The following ZIK1 variants were observed in gnomAD, a reference collection of about 807,000 sequenced individuals.
The protein encoded by ZIK1 is zinc finger protein interacting with K protein 1.
In ZIK1, 12 loss-of-function variants were observed where a neutral mutation model predicts 10.7. That is an observed-to-expected ratio of 1.12 (90% CI 0.72 to 1.81). The LOEUF (loss-of-function observed/expected upper bound fraction) is 1.81, where lower values mean the gene tolerates loss of function less well. Ranked by LOEUF, ZIK1 falls within the 40% of genes most tolerant of loss-of-function variation. The pLI is 0.00. For missense variants in ZIK1, 497 were observed against 585.7 expected (o/e 0.85, Z 1.56); for synonymous variants, 190 against 205.0 (o/e 0.93, Z 0.63).
At chr19:57,589,799 A>T (rs1979490790) in intron 3 of ZIK1, 1 of 761,348 alleles carries the variant, frequency 1.3e-6, no homozygotes, top group Admixed American at 6.3e-5. Flanking sequence ...CCTGTCCTTC[A>T]TCCCATCCTT....
In ZIK1 at chr19:57,592,309, G is replaced by A. The variant is rs1979771804; in HGVS notation, c.*1034G>A. ...AGAAATACCTGGGTATTTCTGTACT[G>A]TGTGTACTGTAGCAAACTAGTTGGA... is the stretch of plus-strand genomic sequence containing the variant. On this transcript the variant is annotated 3_prime_UTR_variant, in exon 4 of 4. Transcript: ENST00000597850. 1 of 152,114 alleles carries A rather than the reference G, an allele frequency of 6.6e-6. No homozygotes were observed. Among genetic ancestry groups the A allele is most frequent in the Non-Finnish European group, 1.5e-5 (1 of 68,014 alleles). 9.4% of individuals were successfully genotyped at this position (152,114 alleles called of 1,614,324 possible).
rs1162706417 is a variant in ZIK1 at position 57,590,869 on chromosome 19, G to A, written c.1058G>A (p.Cys353Tyr). The change falls in exon 4 of 4, where the codon TGT becomes TAT. Residue 353 changes from cysteine (C) to tyrosine (Y), a missense_variant. Coordinates refer to ENST00000597850, the MANE Select transcript of ZIK1 (RefSeq NM_001010879.4). The stretch of plus-strand genomic sequence containing the variant: ...CACACTGGAGAAAGGCCTTATAAGT[G>A]TGGTGAATGTGGGAATTCCTTTAGT... ...RVHTGERPYK[C>Y]GECGNSFSQS... The A allele has an allele frequency of 1.2e-6, 2 of 1,613,128 alleles. No individual in the cohort carries two copies. The highest frequency in any genetic ancestry group is 1.1e-5 in the South Asian group (1 of 91,070).
chr19:57,584,368 C>A lies in ZIK1; in HGVS notation c.12C>A (p.Ala4=), dbSNP rs745651852. 8 of 1,604,574 alleles carry A rather than the reference C, an allele frequency of 5.0e-6. No individual in the cohort carries two copies. The East Asian group carries it at 1.6e-4, about 32-fold the overall frequency. Residue 4 remains alanine, a synonymous_variant, in exon 1 of 4, where the codon GCC becomes GCA. Coordinates refer to ENST00000597850, the MANE Select transcript of ZIK1 (RefSeq NM_001010879.4). MAA[A]ALRAPTQVTV... is the part of the protein sequence containing the mutation. ...GCCCACAGACTCCGATGGCTGCGGC[C>A]GCGCTGAGGGCCCCGACTCAGGTGA...
rs778880794 is a variant in ZIK1, at chr19:57,585,040, G to T, written c.72+50G>T. 52 of 1,568,472 alleles carry T rather than the reference G, an allele frequency of 3.3e-5. 2 individuals are homozygous for T. The South Asian group carries it at 5.8e-4, about 17-fold the overall frequency. ...TCACTGGTCCTGGCCCCATCCTGGG[G>T]TTTTTTCATGGATCTTTTTGCCACC... On this transcript the variant is annotated intron_variant, in intron 2 of 3. Coordinates refer to ENST00000597850, the MANE Select transcript of ZIK1 (RefSeq NM_001010879.4).
Position 57,591,297 on chromosome 19 carries a change from T to C in ZIK1, c.*22T>C. Reference sequence around the variant, plus strand: ...ATAGAGGCCTCATGAATGCAGCAAATGTGGAAGCGCCTTCAACTCAAGATC... The same window carrying C: ...ATAGAGGCCTCATGAATGCAGCAAACGTGGAAGCGCCTTCAACTCAAGATC... On this transcript the variant is annotated 3_prime_UTR_variant, in exon 4 of 4. Coordinates refer to ENST00000597850, the MANE Select transcript of ZIK1 (RefSeq NM_001010879.4). 6.3e-7 allele frequency: 1 copy of C among 1,575,972 alleles called. No individual in the cohort carries two copies. Among genetic ancestry groups the C allele is most frequent in the East Asian group, 2.2e-5 (1 of 44,470 alleles).
chr19:57,593,178 A>T lies in ZIK1; in HGVS notation c.*1903A>T, dbSNP rs2123441922. 1 of 134,368 alleles carries T rather than the reference A, an allele frequency of 7.4e-6. No homozygotes were observed. The highest frequency in any genetic ancestry group is 2.9e-5 in the African/African-American group (1 of 34,818). The allele number at this position is 134,368 out of a possible 1,614,324, so 8.3% of individuals were successfully genotyped here. On this transcript the variant is annotated 3_prime_UTR_variant, in exon 4 of 4. Transcript: ENST00000597850. ...TGCCTCAGCCTCCTGAGAAGCTAGG[A>T]CTACAGGCATGCACTACCACGCCCA...
rs1979723154 is a variant in ZIK1, at chr19:57,591,845, G to A, written c.*570G>A. ...ATTTGAATCTACCTGTAGTCTTGGG[G>A]TTCTGTTTACTGTGTGGGGTGGCTG... On this transcript the variant is annotated 3_prime_UTR_variant, in exon 4 of 4. Coordinates refer to ENST00000597850, the MANE Select transcript of ZIK1 (RefSeq NM_001010879.4). The A allele has an allele frequency of 6.5e-6, 1 of 153,168 alleles. No homozygotes were observed. The allele number at this position is 153,168 out of a possible 1,614,324, so 9.5% of individuals were successfully genotyped here. A position where few individuals can be genotyped will look rare whatever the true frequency, so the allele number is the denominator to read the frequency against.
At position 57,590,052 on chromosome 19, in the gene ZIK1, CA is replaced by C; in HGVS notation, c.242del (p.Gln81ArgfsTer5). Reference sequence around the variant, plus strand: ...AGAGGATGAAGAGACACCTTCTGACCAGAATGTTTCTGTAGGAGTGTCACAG... The same window carrying C: ...AGAGGATGAAGAGACACCTTCTGACCGAATGTTTCTGTAGGAGTGTCACAG... ...GTEDEETPSDQNVSVGVSQSK... is the reference protein window; with the variant it reads ...GTEDEETPSDXNVSVGVSQSK... On this transcript the variant is annotated frameshift_variant, in exon 4 of 4. Transcript: ENST00000597850. LOFTEE classifies it low-confidence loss of function (END_TRUNC). The C allele has an allele frequency of 6.2e-7, 1 of 1,614,116 alleles. No individual in the cohort carries two copies. Among genetic ancestry groups the C allele is most frequent in the South Asian group, 1.1e-5 (1 of 91,078 alleles).
At chr19:57,586,715 G>A (rs1050643943) in intron 2 of ZIK1, among the ~76,000 whole-genome samples, 1 of 152,196 alleles carries the variant, frequency 6.6e-6, no homozygotes, top group South Asian at 2.1e-4. Context: ...TGGTGTATCA[G>A]TCCATTTTCA....
Position 57,584,894 on chromosome 19 carries a change from C to G in ZIK1, c.34-58C>G, listed in dbSNP as rs1978989049. 3 of 1,585,930 alleles carry G rather than the reference C, an allele frequency of 1.9e-6. No homozygotes were observed. In the South Asian group the frequency reaches 3.4e-5, roughly 18 times the overall value. ...GGCCTGGACAGGAATCCAGGGAAGC[C>G]TGAATCCGTAGAGCCCTGTATGGTC... On this transcript the variant is annotated intron_variant, in intron 1 of 3. Coordinates refer to ENST00000597850, the MANE Select transcript of ZIK1 (RefSeq NM_001010879.4).
chr19:57,584,254 C>T lies in ZIK1; in HGVS notation c.-103C>T. On this transcript the variant is annotated 5_prime_UTR_variant, in exon 1 of 4. Transcript: ENST00000597850. Reference sequence around the variant, plus strand: ...CGAGGGGAGGGGTCCTCCCGCTGAACAGTGGGGGTTCTAAGGGTCGGCGGC... The same window carrying T: ...CGAGGGGAGGGGTCCTCCCGCTGAATAGTGGGGGTTCTAAGGGTCGGCGGC... 1 of 1,492,278 alleles carries T rather than the reference C, an allele frequency of 6.7e-7. No individual in the cohort carries two copies. Among genetic ancestry groups the T allele is most frequent in the Non-Finnish European group, 8.9e-7 (1 of 1,119,072 alleles). The allele number at this position is 1,492,278 out of a possible 1,614,324, so 92.4% of individuals were successfully genotyped here. A position where few individuals can be genotyped will look rare whatever the true frequency, so the allele number is the denominator to read the frequency against.
At chr19:57,586,141 A>G (rs1979138324) in intron 2 of ZIK1, among the ~76,000 whole-genome samples, 1 of 152,218 alleles carries the variant, frequency 6.6e-6, no homozygotes, top group African/African-American at 2.4e-5. Flanking sequence ...CTGTCCATGT[A>G]CATCTAGAAT....
chr19:57,588,351 T>C (rs149175047), intron 2 of ZIK1, among the ~76,000 whole-genome samples, 188 bp from the exon 3 acceptor site: 93 of 152,234 alleles, frequency 6.1e-4, no homozygotes, highest in Non-Finnish European at 1.1e-3. Flanking sequence ...GCCCAAAGTT[T>C]AGATGTGGTG....
rs868071440 is a variant in ZIK1, at chr19:57,590,086, C to T, written c.275C>T (p.Ala92Val). 1 of 1,614,208 alleles carries T rather than the reference C, an allele frequency of 6.2e-7. No individual in the cohort carries two copies. Among genetic ancestry groups the T allele is most frequent in the East Asian group, 2.2e-5 (1 of 44,886 alleles). ...NVSVGVSQSK[A>V]GSSTQKTQSC... ...TCTGTAGGAGTGTCACAGTCAAAGG[C>T]AGGTTCATCCACACAGAAGACTCAA... The change falls in exon 4 of 4, where the codon GCA becomes GTA. Residue 92 changes from alanine (A) to valine (V), a missense_variant. By Grantham distance (64) the Ala-to-Val change is moderately conservative. Coordinates refer to ENST00000597850, the MANE Select transcript of ZIK1 (RefSeq NM_001010879.4).
rs138964897 is a variant in ZIK1 at position 57,590,307 on chromosome 19, C to G, written c.496C>G (p.Pro166Ala). ...CTGCCTATTCTGTATGTCATTGAAG[C>G]CCTTTCGCAAATGGGAGGTTGGAAA... ...KCCLFCMSLK[P>A]FRKWEVGKDL... Residue 166 changes from proline to alanine, a missense_variant, in exon 4 of 4, where the codon CCC (proline) becomes GCC (alanine). Pro to Ala is a conservative substitution (Grantham distance 27, BLOSUM62 -1). Transcript: ENST00000597850. 1.9e-5 allele frequency: 30 copies of G among 1,614,198 alleles called. No individual in the cohort carries two copies. The African/African-American group carries it at 3.2e-4, about 17-fold the overall frequency.
rs1024268015 is a variant in ZIK1, at chr19:57,590,142, G to A, written c.331G>A (p.Asp111Asn). ...SCEMCVPVLK[D>N]ILHLADLPGQ... is the part of the protein sequence containing the mutation. ...TGAGATGTGTGTCCCAGTCCTGAAAGATATTTTGCATCTAGCTGATCTCCC... is the reference window on the plus strand; with the variant it reads ...TGAGATGTGTGTCCCAGTCCTGAAAAATATTTTGCATCTAGCTGATCTCCC... Residue 111 changes from aspartate (D) to asparagine (N), a missense_variant, in exon 4 of 4, where the codon GAT (aspartate) becomes AAT (asparagine). Physicochemically the swap from Asp to Asn is conservative, Grantham distance 23. Coordinates refer to ENST00000597850, the MANE Select transcript of ZIK1 (RefSeq NM_001010879.4). The A allele has an allele frequency of 6.2e-7, 1 of 1,614,078 alleles. No individual in the cohort carries two copies. The highest frequency in any genetic ancestry group is 1.3e-5 in the African/African-American group (1 of 74,926).
chr19:57,584,179 C>A lies in ZIK1; in HGVS notation c.-178C>A. 2 of 1,251,694 alleles carry A rather than the reference C, an allele frequency of 1.6e-6. No homozygotes were observed. The highest frequency in any genetic ancestry group is 2.1e-6 in the Non-Finnish European group (2 of 933,670). 77.5% of individuals were successfully genotyped at this position (1,251,694 alleles called of 1,614,324 possible). A position where few individuals can be genotyped will look rare whatever the true frequency, so the allele number is the denominator to read the frequency against. On this transcript the variant is annotated 5_prime_UTR_variant, in exon 1 of 4. Coordinates refer to ENST00000597850, the MANE Select transcript of ZIK1 (RefSeq NM_001010879.4). ...CATTTTTGCAGCGCTTGGGTGCATC[C>A]AGACCGTCAGAGCTTTGGGAGCGCT...
chr19:57,586,803 A>G (rs932202573), intron 2 of ZIK1, among the ~76,000 whole-genome samples: 3 of 152,094 alleles, frequency 2.0e-5, no homozygotes, highest in African/African-American at 7.2e-5. Context: ...GAGCCCTCCA[A>G]ACTGTTCCAA....
In ZIK1 at chr19:57,590,539, A is replaced by G. The variant is rs776743392; in HGVS notation, c.728A>G (p.Lys243Arg). 4.3e-6 allele frequency: 7 copies of G among 1,614,104 alleles called. No homozygotes were observed. Among genetic ancestry groups the G allele is most frequent in the Non-Finnish European group, 5.9e-6 (7 of 1,180,040 alleles). ...YTGKKLYECSKCGKAFRGKYS... is the reference protein window; with the variant it reads ...YTGKKLYECSRCGKAFRGKYS... ...GGAAAAAAGCTTTATGAGTGTAGCAAATGTGGGAAAGCCTTCCGTGGCAAG... is the reference window on the plus strand; with the variant it reads ...GGAAAAAAGCTTTATGAGTGTAGCAGATGTGGGAAAGCCTTCCGTGGCAAG... Residue 243 changes from lysine (K) to arginine (R), a missense_variant, in exon 4 of 4, where the codon AAA (lysine) becomes AGA (arginine). By Grantham distance (26) the Lys-to-Arg change is conservative (BLOSUM62 2). Transcript: ENST00000597850.
Sources: gnomAD v4.1 joint callset for allele counts (sites outside exome capture counted in the v4.1 genomes callset) on GRCh38, gnomAD v4.1.1 for gene constraint, MANE v1.5 for transcripts, NCBI Gene and HGNC (gene_info 2026-07-23, HGNC 2026-07-21) for gene names.